RMND1: variants seen among roughly 807,000 people sequenced by gnomAD.
The protein encoded by RMND1 is required for meiotic nuclear division protein 1 homolog.
In RMND1, 41 loss-of-function variants were observed where a neutral mutation model predicts 54.0. The observed-to-expected ratio is 0.76, with a 90% CI of 0.59 to 0.98. RMND1 has a LOEUF of 0.98. Ranked by LOEUF, RMND1 falls within the 50% of genes least tolerant of loss-of-function variation. RMND1 has a pLI of 0.00. For missense variants in RMND1, 457 were observed against 532.0 expected (o/e 0.86, Z 1.39); for synonymous variants, 183 against 181.7 (o/e 1.01, Z -0.06).
intron 1 of RMND1, among the ~76,000 whole-genome samples, chr6:151,451,230 A>T (rs897110442): frequency 6.6e-6 from 1 of 150,778 alleles, no homozygotes; most frequent in Non-Finnish European, 1.5e-5. Context: ...CACAACCAGC[A>T]TCCATTCTCT....
Position 151,405,217 on chromosome 6 carries a change from A to G in RMND1, c.*18T>C. ...GAACTTGAATATCTCTTGCAGTGAC[A>G]CTTTGGTTATCACTTGATCAGAAAA... On this transcript the variant is annotated 3_prime_UTR_variant, in exon 12 of 12. Transcript: ENST00000444024. 1 of 1,606,984 alleles carries G rather than the reference A, an allele frequency of 6.2e-7. No homozygotes were observed. Among genetic ancestry groups the G allele is most frequent in the Non-Finnish European group, 8.5e-7 (1 of 1,173,648 alleles).
intron 1 of RMND1, among the ~76,000 whole-genome samples, chr6:151,451,784 A>G (rs1781209297): frequency 6.6e-6 from 1 of 152,050 alleles, no homozygotes; most frequent in Non-Finnish European, 1.5e-5. Context: ...TCAAACTCAA[A>G]ATTATTTTAT....
rs995460245 is a variant in RMND1 at position 151,422,485 on chromosome 6, A to T, written c.1002+56T>A. ...TATATATTGTTATATTGGGAAATTC[A>T]TATTTTTTACATATAAAAATCAATC... is the stretch of plus-strand genomic sequence containing the variant. On this transcript the variant is annotated intron_variant, in intron 8 of 11. Coordinates refer to ENST00000444024, the MANE Select transcript of RMND1 (RefSeq NM_017909.4). 6 of 905,098 alleles carry T rather than the reference A, an allele frequency of 6.6e-6. No homozygotes were observed. In the African/African-American group the frequency reaches 8.6e-5, roughly 13 times the overall value. 56.1% of individuals were successfully genotyped at this position (905,098 alleles called of 1,614,324 possible).
Position 151,405,236 on chromosome 6 carries a change from C to T in RMND1, c.1349G>A (p.Ter450=), listed in dbSNP as rs115079861. The T allele has an allele frequency of 2.9e-3, 4,690 of 1,612,096 alleles. 118 individuals carry two copies. In the African/African-American group the frequency reaches 0.056, roughly 19 times the overall value. ...AGTGACACTTTGGTTATCACTTGAT[C>T]AGAAAAATACTCGTCCCAGCTCAAA... ...VMFELGRVFF[*] Residue 450 remains the stop codon, a stop_retained_variant, in exon 12 of 12, where the codon TGA becomes TAA. Transcript: ENST00000444024.
chr6:151,427,951 G>A (rs1780348936), intron 5 of RMND1, among the ~76,000 whole-genome samples: 1 of 152,008 alleles, frequency 6.6e-6, no homozygotes, highest in African/African-American at 2.4e-5. Flanking sequence ...ACCAGCCTGG[G>A]CAACGTGGCA....
intron 6 of RMND1, 78 bp from the exon 7 acceptor site, chr6:151,423,709 A>G: frequency 1.1e-6 from 1 of 945,120 alleles, no homozygotes; most frequent in Non-Finnish European, 1.7e-6. Context: ...ACACCATATC[A>G]TCTTTCTGGA....
intron 1 of RMND1, among the ~76,000 whole-genome samples, chr6:151,447,044 T>C (rs1392518087): frequency 6.6e-6 from 1 of 152,108 alleles, no homozygotes; most frequent in Non-Finnish European, 1.5e-5. Context: ...ATTGCTCTAG[T>C]CCAGAGAAAG....
At chr6:151,429,225 G>A (rs533983960) in intron 5 of RMND1, among the ~76,000 whole-genome samples, 2 of 151,740 alleles carry the variant, frequency 1.3e-5, no homozygotes, top group African/African-American at 2.4e-5. Context: ...AGGTTTAAGC[G>A]ATTCTTGTGC....
intron 2 of RMND1, among the ~76,000 whole-genome samples, chr6:151,443,707 CATA>C (rs1780859299): frequency 6.6e-6 from 1 of 152,210 alleles, no homozygotes; most frequent in Non-Finnish European, 1.5e-5. Context: ...TATCATGTTA[CATA>C]ATGTCTCCTA....
chr6:151,423,453 T>A (rs1780209114), intron 7 of RMND1, 72 bp downstream of exon 7: 1 of 935,250 alleles, frequency 1.1e-6, no homozygotes, highest in African/African-American at 1.6e-5. Flanking sequence ...TATACCAAAA[T>A]CGTGACTATT....
chr6:151,451,171 C>A (rs924219110), intron 1 of RMND1, among the ~76,000 whole-genome samples: 2 of 146,352 alleles, frequency 1.4e-5, no homozygotes, highest in Non-Finnish European at 3.0e-5. Context: ...AAATCCCCCT[C>A]TGCGAGAAAC....
In RMND1 at chr6:151,445,825, G is replaced by A. The variant is rs1780939591; in HGVS notation, c.-14C>T. ...TGTGGCTGGCATTACCACATCCCAA[G>A]CTAAAAGAAAAGGAATTCAAAGTTC... On this transcript the variant is annotated splice_region_variant and 5_prime_UTR_variant, in exon 2 of 12. Transcript: ENST00000444024. 9.6e-6 allele frequency: 15 copies of A among 1,562,290 alleles called. No individual in the cohort carries two copies. Among genetic ancestry groups the A allele is most frequent in the Non-Finnish European group, 1.1e-5 (13 of 1,156,616 alleles).
At position 151,408,323 on chromosome 6, in the gene RMND1, CT is replaced by C. The variant is rs1179058137; in HGVS notation, c.1201-2488del. On this transcript the variant is annotated intron_variant, in intron 10 of 11. Coordinates refer to ENST00000444024, the MANE Select transcript of RMND1 (RefSeq NM_017909.4). Reference sequence around the variant, plus strand: ...CATGGCCAACATAGCGAAACCCCGTCTCTACTAAAAATAGAAAAATTAGCTG... The same window carrying C: ...CATGGCCAACATAGCGAAACCCCGTCCTACTAAAAATAGAAAAATTAGCTG... 1.2e-3 allele frequency among the ~76,000 whole-genome samples: 183 copies of C among 152,232 alleles called. 1 individual carries two copies. Among genetic ancestry groups the C allele is most frequent in the African/African-American group, 4.3e-3 (179 of 41,524 alleles).
intron 7 of RMND1, among the ~76,000 whole-genome samples, chr6:151,422,942 T>G (rs1251739848): frequency 6.6e-6 from 1 of 152,172 alleles, no homozygotes; most frequent in Non-Finnish European, 1.5e-5. Flanking sequence ...AAGACTTTCC[T>G]GGCCTCCCCT....
At chr6:151,436,172 G>T in intron 3 of RMND1, 1 of 285,796 alleles carries the variant, frequency 3.5e-6, no homozygotes, top group Admixed American at 4.5e-5. Flanking sequence ...ACTTCTTAAT[G>T]TGCTAGAAAT....
At chr6:151,438,599 G>C (rs1342397762) in intron 2 of RMND1, among the ~76,000 whole-genome samples, 2 of 152,216 alleles carry the variant, frequency 1.3e-5, no homozygotes, top group Non-Finnish European at 2.9e-5. Flanking sequence ...ACAATAAACT[G>C]AGAGATTTCA....
At chr6:151,426,370 T>C (rs923450456) in intron 6 of RMND1, among the ~76,000 whole-genome samples, 1 of 152,212 alleles carries the variant, frequency 6.6e-6, no homozygotes, top group African/African-American at 2.4e-5. Context: ...CTCTTCATTT[T>C]TTCCCTCTGG....
chr6:151,448,733 T>A (rs1269929177), intron 1 of RMND1, among the ~76,000 whole-genome samples: 1 of 152,180 alleles, frequency 6.6e-6, no homozygotes, highest in East Asian at 1.9e-4. Context: ...ACCAAAGTGA[T>A]CCTTTGAAGT....
intron 9 of RMND1, 153 bp downstream of exon 9, chr6:151,421,092 G>C: frequency 1.6e-6 from 1 of 608,606 alleles, no homozygotes; most frequent in Non-Finnish European, 2.9e-6. Context: ...ACTTCTAATG[G>C]GTAAGAGTTC....
Sources: allele counts gnomAD v4.1 joint callset (sites outside exome capture counted in the v4.1 genomes callset), GRCh38; gene constraint gnomAD v4.1.1; transcripts MANE v1.5; gene names NCBI Gene and HGNC (gene_info 2026-07-23, HGNC 2026-07-21).